AQP7B: variants seen among roughly 807,000 people sequenced by gnomAD.
The protein encoded by AQP7B is aquaporin 7B, also known as putative aquaporin-7B.
chr2:94,590,145 G>T, the AQP7B span, among the ~76,000 whole-genome samples: 1 of 152,202 alleles, frequency 6.6e-6, no homozygotes, highest in South Asian at 2.1e-4. Flanking sequence ...TTTTGACTTT[G>T]TATCCCTGGT....
chr2:94,589,060 G>A, the AQP7B span, among the ~76,000 whole-genome samples: 1 of 147,706 alleles, frequency 6.8e-6, no homozygotes, highest in African/African-American at 2.5e-5. Context: ...TTGGGTCACT[G>A]CAACCTCCTT....
At chr2:94,589,167 G>GT in the AQP7B span, among the ~76,000 whole-genome samples, 3,383 of 136,452 alleles carry the variant, frequency 0.025, 49 homozygotes, top group African/African-American at 0.041. Flanking sequence ...ATTAGTTGTT[G>GT]TTTTTTTTTT....
At chr2:94,598,414 A>G in the AQP7B span, among the ~76,000 whole-genome samples, 1 of 151,992 alleles carries the variant, frequency 6.6e-6, no homozygotes, top group Non-Finnish European at 1.5e-5. Flanking sequence ...GGCCACATTC[A>G]CTGATCAGGG....
the AQP7B span, chr2:94,603,424 G>C: frequency 3.1e-6 from 5 of 1,609,424 alleles, no homozygotes; most frequent in Non-Finnish European, 4.3e-6. Flanking sequence ...GATGGTGACC[G>C]GTCCCTTTGC....
the AQP7B span, among the ~76,000 whole-genome samples, chr2:94,599,072 G>T: frequency 2.0e-5 from 3 of 152,192 alleles, no homozygotes; most frequent in Non-Finnish European, 4.4e-5. Context: ...AAAGTGCTGG[G>T]ATTACAGGCG....
At chr2:94,592,848 G>A in the AQP7B span, among the ~76,000 whole-genome samples, 1 of 127,134 alleles carries the variant, frequency 7.9e-6, no homozygotes, top group East Asian at 2.2e-4. Context: ...TTTTGAGACA[G>A]GGTTTCGCTC....
the AQP7B span, chr2:94,602,762 G>T: frequency 1.1e-6 from 1 of 908,392 alleles, no homozygotes; most frequent in Non-Finnish European, 1.6e-6. Flanking sequence ...TGAACCCCGT[G>T]CCTATGACTT....
the AQP7B span, chr2:94,604,009 G>A: frequency 2.3e-6 from 2 of 881,560 alleles, no homozygotes; most frequent in African/African-American, 1.7e-5. Context: ...GTGATGTGAG[G>A]GGCAGCACAG....
the AQP7B span, among the ~76,000 whole-genome samples, chr2:94,597,611 TG>T: frequency 2.4e-3 from 359 of 150,670 alleles, 2 homozygotes; most frequent in African/African-American, 8.3e-3. Context: ...CAGTCTTTTT[TG>T]TTTTTTTTTT....
chr2:94,603,054 G>A, the AQP7B span: 4 of 1,597,668 alleles, frequency 2.5e-6, no homozygotes, highest in South Asian at 3.4e-5. Flanking sequence ...CATGAATGCA[G>A]CTGTGACCTT....
the AQP7B span, among the ~76,000 whole-genome samples, chr2:94,592,089 G>A: frequency 1.3e-5 from 2 of 152,172 alleles, no homozygotes; most frequent in African/African-American, 4.8e-5. Flanking sequence ...GTGTGGTGAT[G>A]AGGAAGGAGC....
At chr2:94,598,278 C>T in the AQP7B span, among the ~76,000 whole-genome samples, 3 of 152,202 alleles carry the variant, frequency 2.0e-5, no homozygotes, top group South Asian at 2.1e-4. Flanking sequence ...GCCAAAAAAG[C>T]TAGTGTGACC....
the AQP7B span, among the ~76,000 whole-genome samples, chr2:94,595,254 G>A: frequency 2.6e-5 from 4 of 152,080 alleles, no homozygotes; most frequent in Non-Finnish European, 4.4e-5. Flanking sequence ...GGCCAACATG[G>A]TGAAACCCCA....
At chr2:94,604,003 T>C in the AQP7B span, 2 of 895,126 alleles carry the variant, frequency 2.2e-6, no homozygotes, top group East Asian at 4.9e-5. Context: ...TGGGGGGTGA[T>C]GTGAGGGGCA....
the AQP7B span, among the ~76,000 whole-genome samples, chr2:94,594,077 G>A: frequency 6.6e-6 from 1 of 152,186 alleles, no homozygotes; most frequent in Non-Finnish European, 1.5e-5. Flanking sequence ...CCAGGAAGTA[G>A]ATCCAGTCCT....
the AQP7B span, chr2:94,604,064 G>A: frequency 1.4e-6 from 1 of 695,820 alleles, no homozygotes; most frequent in Non-Finnish European, 2.4e-6. Flanking sequence ...GCAGGAGTGA[G>A]TCCCAACATT....
the AQP7B span, among the ~76,000 whole-genome samples, chr2:94,598,571 T>A: frequency 6.6e-6 from 1 of 152,156 alleles, no homozygotes; most frequent in Non-Finnish European, 1.5e-5. Flanking sequence ...AGTGCCAATC[T>A]GTGCAAAGCT....
chr2:94,589,666 A>C, the AQP7B span, among the ~76,000 whole-genome samples: 1 of 151,954 alleles, frequency 6.6e-6, no homozygotes, highest in Admixed American at 6.6e-5. Context: ...CCCTCTGTTG[A>C]CATCATTGCC....
At chr2:94,599,418 A>T in the AQP7B span, among the ~76,000 whole-genome samples, 2 of 150,666 alleles carry the variant, frequency 1.3e-5, no homozygotes, top group South Asian at 2.1e-4. Flanking sequence ...TTTCTCAGAC[A>T]TCCCCAAAGC....
Sources: gnomAD v4.1 joint callset for allele counts (sites outside exome capture counted in the v4.1 genomes callset) on GRCh38, gnomAD v4.1.1 for gene constraint, MANE v1.5 for transcripts, NCBI Gene and HGNC (gene_info 2026-07-23, HGNC 2026-07-21) for gene names.